Variants in CDH12 observed in about 807,000 individuals in gnomAD.
CDH12 encodes cadherin 12.
CDH12 carries 41 observed loss-of-function variants against 74.1 expected under a neutral mutation model. The ratio of observed to expected loss-of-function variants is 0.55; its 90% CI spans 0.43 to 0.72. CDH12 has a LOEUF of 0.72. Ranked by LOEUF, CDH12 falls within the 30% of genes least tolerant of loss-of-function variation. The pLI, the probability that CDH12 is intolerant of heterozygous loss-of-function variation, is 0.00. For missense variants in CDH12, 945 were observed against 977.2 expected (o/e 0.97, Z 0.44); for synonymous variants, 399 against 355.0 (o/e 1.12, Z -1.39).
At chr5:22,745,808 T>C (rs924737763) in intron 1 of CDH12, among the ~76,000 whole-genome samples, 2 of 152,000 alleles carry the variant, frequency 1.3e-5, no homozygotes, top group African/African-American at 2.4e-5. Flanking sequence ...AAATAACTAA[T>C]GGGTACGAGG....
chr5:22,059,335 T>TCATC (rs1460276196), intron 5 of CDH12, among the ~76,000 whole-genome samples: 1 of 142,258 alleles, frequency 7.0e-6, no homozygotes, highest in Admixed American at 7.3e-5. Context: ...CGTCTATCTA[T>TCATC]CATCTATCTA....
intron 3 of CDH12, among the ~76,000 whole-genome samples, chr5:22,240,196 A>G (rs751650030): frequency 3.7e-4 from 56 of 152,320 alleles, no homozygotes; most frequent in Non-Finnish European, 3.5e-4. Context: ...GATAAATGCT[A>G]ATACTTATAT....
intron 3 of CDH12, among the ~76,000 whole-genome samples, chr5:22,295,179 T>C (rs1737568483): frequency 6.6e-6 from 1 of 152,156 alleles, no homozygotes; most frequent in African/African-American, 2.4e-5. Flanking sequence ...AGAAAAGTCT[T>C]CCTTGCCTGT....
At chr5:21,794,145 C>CT (rs1312895193) in intron 10 of CDH12, among the ~76,000 whole-genome samples, 1 of 151,344 alleles carries the variant, frequency 6.6e-6, no homozygotes, top group African/African-American at 2.4e-5. Context: ...AATATAATGT[C>CT]TTTTTTTCTT....
intron 6 of CDH12, among the ~76,000 whole-genome samples, chr5:21,862,800 T>A (rs935266052): frequency 6.6e-6 from 1 of 152,104 alleles, no homozygotes; most frequent in Admixed American, 6.6e-5. Flanking sequence ...TTTTTAAGAT[T>A]TTCCATATGT....
chr5:22,595,030 C>T (rs1309594437), intron 1 of CDH12, among the ~76,000 whole-genome samples: 1 of 152,124 alleles, frequency 6.6e-6, no homozygotes, highest in East Asian at 1.9e-4. Context: ...CAGCTTTGTT[C>T]TCCCTAATTT....
rs76277530 is a variant in CDH12, at chr5:22,238,582, A to G, written c.-332-25939T>C. Among the ~76,000 whole-genome samples the G allele has an allele frequency of 5.9e-3, 896 of 152,324 alleles. 14 individuals carry two copies. The South Asian group carries it at 0.077, about 13-fold the overall frequency. On this transcript the variant is annotated intron_variant, in intron 3 of 14. Transcript: ENST00000382254. Reference sequence around the variant, plus strand: ...GGCAGATCATGGAAAGAAAAGAAAAAGCAATGGAATGATTTTTTCCTTGTC... The same window carrying G: ...GGCAGATCATGGAAAGAAAAGAAAAGGCAATGGAATGATTTTTTCCTTGTC...
At chr5:22,132,986 C>T (rs537388364) in intron 4 of CDH12, among the ~76,000 whole-genome samples, 3 of 151,928 alleles carry the variant, frequency 2.0e-5, no homozygotes, top group Non-Finnish European at 4.4e-5. Flanking sequence ...TATTATTTCC[C>T]GAAAATAATT....
At chr5:22,703,478 C>A (rs1002110221) in intron 1 of CDH12, among the ~76,000 whole-genome samples, 2 of 152,092 alleles carry the variant, frequency 1.3e-5, no homozygotes, top group African/African-American at 4.8e-5. Context: ...TTTAAAACAG[C>A]ATTTTAAGAT....
At chr5:21,844,759 A>C (rs1049485100) in intron 7 of CDH12, among the ~76,000 whole-genome samples, 3 of 152,174 alleles carry the variant, frequency 2.0e-5, no homozygotes, top group Admixed American at 6.6e-5. Flanking sequence ...AGGTTGGCAA[A>C]TAACCAGAAA....
chr5:22,232,716 TCTAA>T (rs1752425828), intron 3 of CDH12, among the ~76,000 whole-genome samples: 1 of 151,602 alleles, frequency 6.6e-6, no homozygotes, highest in Admixed American at 6.6e-5. Context: ...TCTCTCTGTG[TCTAA>T]CTTTTAGCAC....
chr5:22,088,104 C>T (rs547921164), intron 4 of CDH12, among the ~76,000 whole-genome samples: 3 of 152,118 alleles, frequency 2.0e-5, no homozygotes, highest in Non-Finnish European at 4.4e-5. Flanking sequence ...AAGTAGGATG[C>T]AATGCTTCTG....
intron 3 of CDH12, among the ~76,000 whole-genome samples, chr5:22,262,239 G>A (rs1433059099): frequency 6.7e-6 from 1 of 149,698 alleles, no homozygotes; most frequent in East Asian, 2.0e-4. Context: ...TCTAGCATTA[G>A]GTATATCTCC....
chr5:22,805,504 T>C (rs1257743132), intron 1 of CDH12, among the ~76,000 whole-genome samples: 1 of 152,134 alleles, frequency 6.6e-6, no homozygotes, highest in Non-Finnish European at 1.5e-5. Context: ...TGATTTTCTA[T>C]CTTAAACCTG....
At chr5:21,980,944 G>A (rs1411625139) in intron 5 of CDH12, among the ~76,000 whole-genome samples, 1 of 152,052 alleles carries the variant, frequency 6.6e-6, no homozygotes, top group Non-Finnish European at 1.5e-5. Flanking sequence ...CAATTAAATT[G>A]CTAAATATCA....
At chr5:21,799,362 AT>A (rs1377673648) in intron 10 of CDH12, among the ~76,000 whole-genome samples, 1 of 152,196 alleles carries the variant, frequency 6.6e-6, no homozygotes, top group Non-Finnish European at 1.5e-5. Context: ...ATAAAGATGA[AT>A]TTTTTAAGTA....
At chr5:22,762,460 A>C (rs1450322062) in intron 1 of CDH12, among the ~76,000 whole-genome samples, 2 of 152,096 alleles carry the variant, frequency 1.3e-5, no homozygotes, top group Non-Finnish European at 2.9e-5. Flanking sequence ...AGCATTATTT[A>C]TTAAAATAAC....
At chr5:21,861,448 A>G (rs1751038515) in intron 6 of CDH12, among the ~76,000 whole-genome samples, 1 of 152,108 alleles carries the variant, frequency 6.6e-6, no homozygotes, top group Admixed American at 6.6e-5. Context: ...TAACAAAGTG[A>G]GTAGTACTTT....
chr5:21,901,459 A>C (rs1753380034), intron 6 of CDH12, among the ~76,000 whole-genome samples: 1 of 152,142 alleles, frequency 6.6e-6, no homozygotes. Flanking sequence ...ATCTTTTTTC[A>C]AAAACTTGTT....
Sources: gnomAD v4.1 joint callset for allele counts (sites outside exome capture counted in the v4.1 genomes callset) on GRCh38, gnomAD v4.1.1 for gene constraint, MANE v1.5 for transcripts, NCBI Gene and HGNC (gene_info 2026-07-23, HGNC 2026-07-21) for gene names.